Variants in CSRNP3 observed in about 807,000 individuals in gnomAD.
The protein encoded by CSRNP3 is cysteine/serine-rich nuclear protein 3.
CSRNP3 carries 12 observed loss-of-function variants against 48.0 expected under a neutral mutation model. The ratio of observed to expected loss-of-function variants is 0.25; its 90% CI spans 0.16 to 0.41. CSRNP3 has a LOEUF of 0.41. Ranked by LOEUF, CSRNP3 falls within the 10% of genes least tolerant of loss-of-function variation. The pLI is 1.00. For missense variants in CSRNP3, 580 were observed against 724.4 expected, an observed-to-expected ratio of 0.80 and a Z score of 2.29; for synonymous variants, 263 against 269.7, an observed-to-expected ratio of 0.98 and a Z score of 0.24.
At chr2:165,503,588 G>T (rs1448674079) in intron 2 of CSRNP3, among the ~76,000 whole-genome samples, 1 of 151,910 alleles carries the variant, frequency 6.6e-6, no homozygotes, top group African/African-American at 2.4e-5. Context: ...AATTTTAGAA[G>T]AATATTTTTA....
At chr2:165,568,935 ATG>A (rs1685333538) in intron 3 of CSRNP3, among the ~76,000 whole-genome samples, 1 of 152,110 alleles carries the variant, frequency 6.6e-6, no homozygotes. Flanking sequence ...AAATAAATAA[ATG>A]TATACATAAA....
In CSRNP3 at chr2:165,519,772, A is replaced by G. The variant is rs550205708; in HGVS notation, c.-24+1811A>G. Among the ~76,000 whole-genome samples, 37 of 152,302 alleles carry G rather than the reference A, an allele frequency of 2.4e-4. No homozygotes were observed. In the South Asian group the frequency reaches 7.7e-3, roughly 32 times the overall value. ...GGAAATTACATTCTAGTGGATGGAA[A>G]TAGGTAATAAAAAACAAAATTAATT... On this transcript the variant is annotated intron_variant, in intron 3 of 6. Transcript: ENST00000651982.
At chr2:165,643,958 A>G (rs1686770590) in intron 4 of CSRNP3, among the ~76,000 whole-genome samples, 1 of 152,186 alleles carries the variant, frequency 6.6e-6, no homozygotes, top group Non-Finnish European at 1.5e-5. Context: ...ATTTTGTAAA[A>G]CCATCACTAA....
intron 4 of CSRNP3, among the ~76,000 whole-genome samples, chr2:165,608,004 A>C (rs1686059985): frequency 6.6e-6 from 1 of 151,002 alleles, no homozygotes; most frequent in Non-Finnish European, 1.5e-5. Flanking sequence ...TGAGTTATTT[A>C]TAGTGTTATA....
At chr2:165,555,549 T>G (rs1235340715) in intron 3 of CSRNP3, among the ~76,000 whole-genome samples, 3 of 152,196 alleles carry the variant, frequency 2.0e-5, no homozygotes, top group Non-Finnish European at 2.9e-5. Context: ...CCTCTTCTTT[T>G]GGGCCTGTTT....
In CSRNP3 at chr2:165,679,499, G is replaced by A. The variant is rs1290011348; in HGVS notation, c.1504G>A (p.Val502Ile). Residue 502 changes from valine to isoleucine, a missense_variant, in exon 7 of 7, where the codon GTT becomes ATT. Around this residue, in one of 4 missense-constraint regions of CSRNP3, gnomAD observed 369 missense variants for 380.8 expected, o/e 0.97. Coordinates refer to ENST00000651982, the MANE Select transcript of CSRNP3 (RefSeq NM_001172173.2). ...CCCAGCTGCCAACCCCTCTGTAATC[G>A]TTTGCTGCTCCTCTTCCGAAAATGA... ...HYPAANPSVIVCCSSSENDSG... is the reference protein window; with the variant it reads ...HYPAANPSVIICCSSSENDSG... 5 of 1,613,316 alleles carry A rather than the reference G, an allele frequency of 3.1e-6. No homozygotes were observed. Among genetic ancestry groups the A allele is most frequent in the Middle Eastern group, 1.6e-4 (1 of 6,080 alleles).
intron 3 of CSRNP3, chr2:165,574,257 G>C: frequency 1.2e-6 from 1 of 805,428 alleles, no homozygotes; most frequent in Admixed American, 2.3e-5. Context: ...GAGAGGAGGG[G>C]GCAGAAGGGA....
intron 1 of CSRNP3, among the ~76,000 whole-genome samples, chr2:165,475,525 G>A (rs147495793): frequency 7.9e-4 from 120 of 152,212 alleles, no homozygotes; most frequent in Middle Eastern, 3.4e-3. Context: ...GTACCCTTTC[G>A]CTCACTATCT....
intron 3 of CSRNP3, among the ~76,000 whole-genome samples, chr2:165,527,835 A>G (rs545593439): frequency 2.6e-5 from 4 of 152,234 alleles, no homozygotes; most frequent in East Asian, 1.9e-4. Flanking sequence ...AAAGACATCC[A>G]CAAATTAATG....
chr2:165,505,930 T>C (rs977453671), intron 2 of CSRNP3, among the ~76,000 whole-genome samples: 1 of 152,194 alleles, frequency 6.6e-6, no homozygotes, highest in African/African-American at 2.4e-5. Flanking sequence ...TTATTGCAAG[T>C]GACGAAAGCC....
intron 4 of CSRNP3, among the ~76,000 whole-genome samples, chr2:165,627,125 C>T (rs1686449138): frequency 6.6e-6 from 1 of 152,164 alleles, no homozygotes; most frequent in Non-Finnish European, 1.5e-5. Context: ...ATCCCCTTTT[C>T]CCACTCAATA....
In CSRNP3 at chr2:165,523,762, T is replaced by G. The variant is rs181118830; in HGVS notation, c.-24+5801T>G. ...GGTGGCTATAGGTAATATAAATGAGTGAAGTTGGCTAACTGAAAACAGTAA... is the reference window on the plus strand; with the variant it reads ...GGTGGCTATAGGTAATATAAATGAGGGAAGTTGGCTAACTGAAAACAGTAA... On this transcript the variant is annotated intron_variant, in intron 3 of 6. Coordinates refer to ENST00000651982, the MANE Select transcript of CSRNP3 (RefSeq NM_001172173.2). 1.1e-4 allele frequency among the ~76,000 whole-genome samples: 16 copies of G among 152,208 alleles called. No individual in the cohort carries two copies. The East Asian group carries it at 3.1e-3, about 29-fold the overall frequency.
At position 165,501,770 on chromosome 2, in the gene CSRNP3, A is replaced by G. The variant is rs1378291546; in HGVS notation, c.-113+6842A>G. Among the ~76,000 whole-genome samples the G allele has an allele frequency of 2.0e-5, 3 of 152,272 alleles. No individual in the cohort carries two copies. In the East Asian group the frequency reaches 5.8e-4, roughly 29 times the overall value. On this transcript the variant is annotated intron_variant, in intron 2 of 6. Coordinates refer to ENST00000651982, the MANE Select transcript of CSRNP3 (RefSeq NM_001172173.2). ...GTCAACTGAAATAGGCCAATTGTAT[A>G]GCAATTATTAAGATTGTTAAATACA...
chr2:165,522,748 C>T (rs753358848), intron 3 of CSRNP3, among the ~76,000 whole-genome samples: 3 of 152,068 alleles, frequency 2.0e-5, no homozygotes, highest in Non-Finnish European at 4.4e-5. Flanking sequence ...GTTCTGCTAG[C>T]TGTGCTTGGA....
intron 3 of CSRNP3, among the ~76,000 whole-genome samples, chr2:165,592,608 C>T (rs1211230711): frequency 1.3e-5 from 2 of 152,076 alleles, no homozygotes; most frequent in South Asian, 2.1e-4. Context: ...GGCAGTTACC[C>T]TCATGCTGTT....
At position 165,673,960 on chromosome 2, in the gene CSRNP3, G is replaced by A. The variant is rs566754035; in HGVS notation, c.409-2352G>A. 3.9e-5 allele frequency among the ~76,000 whole-genome samples: 6 copies of A among 152,248 alleles called. No individual in the cohort carries two copies. In the East Asian group the frequency reaches 1.2e-3, roughly 29 times the overall value. ...CACTTGAACCTGGGAGGCTGAGATT[G>A]CAGCTAGCCGAGATTGTGCCATTGC... On this transcript the variant is annotated intron_variant, in intron 5 of 6. Coordinates refer to ENST00000651982, the MANE Select transcript of CSRNP3 (RefSeq NM_001172173.2).
In CSRNP3 at chr2:165,681,799, A is replaced by ATGTGTG. The variant is rs573132737; in HGVS notation, c.*2049_*2050insGTGTGT. 1 of 129,422 alleles carries ATGTGTG rather than the reference A, an allele frequency of 7.7e-6. No homozygotes were observed. Among genetic ancestry groups the ATGTGTG allele is most frequent in the South Asian group, 2.4e-4 (1 of 4,132 alleles). The allele number at this position is 129,422 out of a possible 1,614,324, so 8.0% of individuals were successfully genotyped here. On this transcript the variant is annotated 3_prime_UTR_variant, in exon 7 of 7. Coordinates refer to ENST00000651982, the MANE Select transcript of CSRNP3 (RefSeq NM_001172173.2). The stretch of plus-strand genomic sequence containing the variant: ...CACATACACATATATATACACATAT[A>ATGTGTG]TGTATGTGTGTGTGTGTGTGTGTGT...
intron 2 of CSRNP3, among the ~76,000 whole-genome samples, chr2:165,507,159 A>G (rs1684437360): frequency 6.6e-6 from 1 of 152,180 alleles, no homozygotes; most frequent in African/African-American, 2.4e-5. Context: ...TTTTCTGGTT[A>G]ATAAAAAGAA....
chr2:165,635,091 G>C (rs1398723038), intron 4 of CSRNP3, among the ~76,000 whole-genome samples: 3 of 152,310 alleles, frequency 2.0e-5, no homozygotes, highest in African/African-American at 7.2e-5. Flanking sequence ...GGAGCTGATT[G>C]CTCTCCCTCT....
Sources: allele counts gnomAD v4.1 joint callset (sites outside exome capture counted in the v4.1 genomes callset), GRCh38; gene constraint gnomAD v4.1.1; regional missense constraint gnomAD v4.1.1; transcripts MANE v1.5; gene names NCBI Gene and HGNC (gene_info 2026-07-23, HGNC 2026-07-21).